WDR59: variants seen among roughly 807,000 people sequenced by gnomAD.
WDR59 encodes GATOR2 complex protein WDR59.
A neutral mutation model predicts 131.2 loss-of-function variants in WDR59; 100 were observed. The ratio of observed to expected loss-of-function variants is 0.76; its 90% confidence interval spans 0.65 to 0.90. The LOEUF is 0.90. Ranked by LOEUF, WDR59 falls within the 40% of genes least tolerant of loss-of-function variation. WDR59 has a pLI of 0.00. For missense variants in WDR59, 1,203 were observed against 1,262.2 expected (o/e 0.95, Z 0.71); for synonymous variants, 601 against 466.2 (o/e 1.29, Z -3.72).
At chr16:74,953,997 G>T (rs542106692) in intron 3 of WDR59, among the ~76,000 whole-genome samples, 1 of 126,366 alleles carries the variant, frequency 7.9e-6, no homozygotes, top group Non-Finnish European at 1.7e-5. Context: ...GCGAGACTCC[G>T]TCTCAAAAAA....
Position 74,956,570 on chromosome 16 carries a change from C to T in WDR59, c.145G>A (p.Glu49Lys), listed in dbSNP as rs1484585471. The T allele has an allele frequency of 7.4e-6, 12 of 1,614,028 alleles. No homozygotes were observed. In the South Asian group the frequency reaches 1.1e-4, roughly 15 times the overall value. ...TGGCGAGAGATCTTTCGGTGACCTTCGAAAGGGGCATCTAGATTGACGATG... is the reference window on the plus strand; with the variant it reads ...TGGCGAGAGATCTTTCGGTGACCTTTGAAAGGGGCATCTAGATTGACGATG... ...LYIVNLDAPF[E>K]GHRKISRQSK... Residue 49 changes from glutamate to lysine, a missense_variant, in exon 3 of 26, where the codon GAA (glutamate) becomes AAA (lysine). By Grantham distance (56) the Glu-to-Lys change is moderately conservative (BLOSUM62 1). Transcript: ENST00000262144.
At chr16:74,983,075 G>A (rs1053667075) in intron 1 of WDR59, among the ~76,000 whole-genome samples, 6 of 152,180 alleles carry the variant, frequency 3.9e-5, no homozygotes, top group African/African-American at 1.2e-4. Flanking sequence ...AGGCACAGTC[G>A]CTCACACCTG....
intron 13 of WDR59, among the ~76,000 whole-genome samples, chr16:74,913,711 TAAA>T (rs969875129): frequency 6.6e-6 from 1 of 152,134 alleles, no homozygotes; most frequent in African/African-American, 2.4e-5. Flanking sequence ...AGACTCAACT[TAAA>T]AAGTGCTCCT....
chr16:74,894,498 G>A lies in WDR59; in HGVS notation c.1867-686C>T, dbSNP rs143100165. ...TGTGAGGAGCCTGTATGTGTGAAAT[G>A]AGAGATGTCCTGAAAAACTTGAATT... On this transcript the variant is annotated intron_variant, in intron 18 of 25. Transcript: ENST00000262144. Among the ~76,000 whole-genome samples, 143 of 152,306 alleles carry A rather than the reference G, an allele frequency of 9.4e-4. 3 individuals are homozygous for A. In the East Asian group the frequency reaches 0.026, roughly 28 times the overall value.
At position 74,873,322 on chromosome 16, in the gene WDR59, G is replaced by A. The variant is rs1223157229; in HGVS notation, c.*887C>T. 1 of 152,300 alleles carries A rather than the reference G, an allele frequency of 6.6e-6. No homozygotes were observed. The highest frequency in any genetic ancestry group is 1.5e-5 in the Non-Finnish European group (1 of 68,132). The allele number at this position is 152,300 out of a possible 1,614,324, so 9.4% of individuals were successfully genotyped here. On this transcript the variant is annotated 3_prime_UTR_variant, in exon 26 of 26. Coordinates refer to ENST00000262144, the MANE Select transcript of WDR59 (RefSeq NM_030581.4). Reference sequence around the variant, plus strand: ...TTGCCTTCTAAAGTGTGGGATTACAGGCATGAGCCATGGGGCCTGGCCAGG... The same window carrying A: ...TTGCCTTCTAAAGTGTGGGATTACAAGCATGAGCCATGGGGCCTGGCCAGG...
chr16:74,909,150 G>A (rs1019868531), intron 16 of WDR59, among the ~76,000 whole-genome samples, 173 bp from the exon 17 acceptor site: 8 of 152,062 alleles, frequency 5.3e-5, no homozygotes, highest in African/African-American at 1.2e-4. Flanking sequence ...AAAGGTCAGC[G>A]CTCCAGGATC....
At chr16:74,939,505 A>C (rs1486918781) in intron 7 of WDR59, among the ~76,000 whole-genome samples, 1 of 152,190 alleles carries the variant, frequency 6.6e-6, no homozygotes, top group Non-Finnish European at 1.5e-5. Flanking sequence ...ATGAAAAAAA[A>C]GTGTACACAA....
At chr16:74,934,455 G>C (rs2031640557) in intron 8 of WDR59, among the ~76,000 whole-genome samples, 1 of 152,166 alleles carries the variant, frequency 6.6e-6, no homozygotes, top group African/African-American at 2.4e-5. Context: ...TTGCTCTCAA[G>C]GCAATCACTG....
intron 2 of WDR59, among the ~76,000 whole-genome samples, chr16:74,964,420 T>C (rs958058194): frequency 6.7e-6 from 1 of 149,818 alleles, no homozygotes; most frequent in Non-Finnish European, 1.5e-5. Context: ...AGAAAAGAGA[T>C]ACCAACTTTC....
chr16:74,936,734 G>C (rs1409244467), intron 8 of WDR59, among the ~76,000 whole-genome samples: 4 of 152,108 alleles, frequency 2.6e-5, no homozygotes, highest in African/African-American at 9.7e-5. Context: ...GCTGAGGCAG[G>C]AGAATCGCTT....
chr16:74,945,148 T>C (rs2032523046), intron 6 of WDR59, among the ~76,000 whole-genome samples: 1 of 151,722 alleles, frequency 6.6e-6, no homozygotes, highest in African/African-American at 2.4e-5. Flanking sequence ...CCACCGTCCT[T>C]TTTAGGGTTT....
In WDR59 at chr16:74,927,491, G is replaced by C. The variant is rs569235066; in HGVS notation, c.652-3488C>G. On this transcript the variant is annotated intron_variant, in intron 8 of 25. Transcript: ENST00000262144. Reference sequence around the variant, plus strand: ...GAGTCCCAGCTACTTGCGAGGCTGAGGCAGGAGAATTGCTTGAACCCCGGA... The same window carrying C: ...GAGTCCCAGCTACTTGCGAGGCTGACGCAGGAGAATTGCTTGAACCCCGGA... Among the ~76,000 whole-genome samples, 5 of 151,492 alleles carry C rather than the reference G, an allele frequency of 3.3e-5. No homozygotes were observed. In the South Asian group the frequency reaches 1.0e-3, roughly 32 times the overall value.
chr16:74,969,609 T>C (rs947317595), intron 1 of WDR59, among the ~76,000 whole-genome samples: 2 of 145,632 alleles, frequency 1.4e-5, no homozygotes, highest in Non-Finnish European at 3.0e-5. Context: ...AGTTTCACTC[T>C]CGTTGCCCAG....
intron 3 of WDR59, 76 bp from the exon 4 acceptor site, chr16:74,951,619 G>A (rs989022394): frequency 3.1e-6 from 4 of 1,271,814 alleles, no homozygotes; most frequent in Non-Finnish European, 4.5e-6. Flanking sequence ...TTAAGGCAGT[G>A]AAGAGGAAGC....
At chr16:74,900,652 G>C (rs779069311) in intron 18 of WDR59, among the ~76,000 whole-genome samples, 11 of 152,160 alleles carry the variant, frequency 7.2e-5, no homozygotes, top group Non-Finnish European at 1.3e-4. Context: ...TGGCTTTTGA[G>C]GCGTCACACG....
intron 17 of WDR59, among the ~76,000 whole-genome samples, chr16:74,907,875 T>C (rs1193033191): frequency 1.3e-5 from 2 of 152,214 alleles, no homozygotes; most frequent in Non-Finnish European, 2.9e-5. Flanking sequence ...GATCCCCATG[T>C]TACTGTTGAA....
At chr16:74,979,464 TC>T (rs2034313450) in intron 1 of WDR59, among the ~76,000 whole-genome samples, 1 of 147,268 alleles carries the variant, frequency 6.8e-6, no homozygotes, top group Non-Finnish European at 1.5e-5. Flanking sequence ...AGACTCTGTC[TC>T]AAAACAAAAC....
intron 4 of WDR59, 72 bp from the exon 5 acceptor site, chr16:74,949,870 A>G (rs763148407): frequency 3.6e-6 from 5 of 1,382,608 alleles, no homozygotes; most frequent in African/African-American, 2.8e-5. Context: ...GCACTAGCAC[A>G]TCGAGTCTCC....
chr16:74,937,698 C>T (rs1407599796), intron 8 of WDR59, among the ~76,000 whole-genome samples: 1 of 152,142 alleles, frequency 6.6e-6, no homozygotes, highest in African/African-American at 2.4e-5. Flanking sequence ...GACTAGGTTT[C>T]ACCATATTGG....
Sources: gnomAD v4.1 joint callset for allele counts (sites outside exome capture counted in the v4.1 genomes callset) on GRCh38, gnomAD v4.1.1 for gene constraint, MANE v1.5 for transcripts, NCBI Gene and HGNC (gene_info 2026-07-23, HGNC 2026-07-21) for gene names.